RBM25: variants seen among roughly 807,000 people sequenced by gnomAD.
RBM25 encodes the protein RNA binding motif protein 25, also known as RNA-binding protein 25.
A neutral mutation model predicts 120.7 loss-of-function variants in RBM25; 19 were observed. The observed-to-expected ratio is 0.16, with a 90% confidence interval of 0.11 to 0.23. The LOEUF (loss-of-function observed/expected upper bound fraction) is 0.23. Among genes scored for constraint, RBM25 ranks in the 10% least tolerant of loss-of-function variants. The probability of loss-of-function intolerance (pLI) is 1.00; values close to 1 mark genes in which losing one functional copy is unlikely to be tolerated. For synonymous variants in RBM25, 390 were observed against 326.7 expected (o/e 1.19, Z -2.09); for missense variants, 605 against 1,041.5 (o/e 0.58, Z 5.77).
intron 18 of RBM25, among the ~76,000 whole-genome samples, chr14:73,117,406 A>T (rs1326679377): frequency 6.6e-6 from 1 of 150,404 alleles, no homozygotes. Context: ...TAATTTTTGT[A>T]TTTTTAGTAT....
chr14:73,084,912 A>G (rs1417259557), intron 5 of RBM25, among the ~76,000 whole-genome samples: 2 of 151,920 alleles, frequency 1.3e-5, no homozygotes, highest in Admixed American at 1.3e-4. Flanking sequence ...TAAAGGTAGT[A>G]TTCTTCCATC....
intron 6 of RBM25, among the ~76,000 whole-genome samples, chr14:73,090,856 GTCTTAC>G (rs1895798433): frequency 6.6e-6 from 1 of 152,152 alleles, no homozygotes; most frequent in Non-Finnish European, 1.5e-5. Context: ...TTATCTGTCA[GTCTTAC>G]TATCCTCACC....
intron 6 of RBM25, among the ~76,000 whole-genome samples, chr14:73,089,913 G>A (rs979323539): frequency 3.3e-5 from 5 of 152,136 alleles, no homozygotes; most frequent in Non-Finnish European, 7.4e-5. Flanking sequence ...GCCTCCCAAA[G>A]TGCTGGGATT....
chr14:73,063,694 C>T (rs527416264), intron 1 of RBM25, among the ~76,000 whole-genome samples: 1 of 151,364 alleles, frequency 6.6e-6, no homozygotes, highest in East Asian at 1.9e-4. Context: ...CACCATCTCT[C>T]CAGGCTACCA....
At chr14:73,080,246 T>C (rs184342674) in intron 4 of RBM25, among the ~76,000 whole-genome samples, 1,988 of 119,406 alleles carry the variant, frequency 0.017, 76 homozygotes, top group Non-Finnish European at 0.028. Context: ...TTTTTTGAGA[T>C]GGAGTCTTGC....
intron 18 of RBM25, among the ~76,000 whole-genome samples, chr14:73,116,732 A>G (rs1896435520): frequency 6.6e-6 from 1 of 152,208 alleles, no homozygotes; most frequent in Non-Finnish European, 1.5e-5. Context: ...TATCATACAT[A>G]GTAAAGATTT....
chr14:73,092,660 T>C, intron 6 of RBM25, among the ~76,000 whole-genome samples: 1 of 151,836 alleles, frequency 6.6e-6, no homozygotes, highest in Admixed American at 6.6e-5. Context: ...GCCATGTTGG[T>C]GTGCTGCACC....
chr14:73,084,113 G>C (rs1895629231), intron 5 of RBM25, among the ~76,000 whole-genome samples: 1 of 151,940 alleles, frequency 6.6e-6, no homozygotes, highest in Non-Finnish European at 1.5e-5. Flanking sequence ...GGCCAGGCTG[G>C]TCTCAAACTC....
chr14:73,083,447 T>G (rs1895611048), intron 4 of RBM25, 47 bp from the exon 5 acceptor site: 2 of 1,418,150 alleles, frequency 1.4e-6, no homozygotes, highest in Non-Finnish European at 1.9e-6. Flanking sequence ...CATTAAAAAT[T>G]ATTTTGTTAA....
intron 1 of RBM25, among the ~76,000 whole-genome samples, chr14:73,060,684 C>G (rs1352028949): frequency 2.0e-5 from 3 of 151,284 alleles, no homozygotes; most frequent in African/African-American, 7.3e-5. Flanking sequence ...ACTAGAAGAA[C>G]AAAATTCCAC....
At chr14:73,097,454 C>T (rs1895973404) in intron 7 of RBM25, among the ~76,000 whole-genome samples, 1 of 152,092 alleles carries the variant, frequency 6.6e-6, no homozygotes, top group Non-Finnish European at 1.5e-5. Flanking sequence ...CCGCCTCGGC[C>T]TCCCACAGTG....
In RBM25 at chr14:73,103,928, TCTCTCTCTCTCTCTCTCTCTCACACA is replaced by T. The variant is rs1173930484; in HGVS notation, c.1154+452_1154+477del. On this transcript the variant is annotated intron_variant, in intron 10 of 18. Coordinates refer to ENST00000261973, the MANE Select transcript of RBM25 (RefSeq NM_021239.3). ...CTGTCTCTCTCTCTCTCTCTCTCTC[TCTCTCTCTCTCTCTCTCTCTCACACA>T]CACACACACACACACACACACACAC... Among the ~76,000 whole-genome samples, 272 of 66,258 alleles carry T rather than the reference TCTCTCTCTCTCTCTCTCTCTCACACA, an allele frequency of 4.1e-3. 2 individuals are homozygous for T. Among genetic ancestry groups the T allele is most frequent in the African/African-American group, 0.019 (263 of 13,542 alleles). The allele number at this position is 66,258 out of a possible 152,430, so 43.5% of individuals were successfully genotyped here. A position where few individuals can be genotyped will look rare whatever the true frequency, so the allele number is the denominator to read the frequency against.
chr14:73,069,139 C>T (rs547940777), intron 1 of RBM25, among the ~76,000 whole-genome samples: 2 of 152,026 alleles, frequency 1.3e-5, no homozygotes, highest in African/African-American at 4.8e-5. Context: ...CTTGACCTCA[C>T]GTGAGCCCCC....
intron 6 of RBM25, among the ~76,000 whole-genome samples, chr14:73,095,668 G>T (rs901026574): frequency 6.6e-6 from 1 of 151,976 alleles, no homozygotes; most frequent in Non-Finnish European, 1.5e-5. Context: ...TGTTGAATAC[G>T]TATCCATTGG....
chr14:73,084,944 C>G (rs111490577), intron 5 of RBM25, among the ~76,000 whole-genome samples: 1 of 151,820 alleles, frequency 6.6e-6, no homozygotes, highest in African/African-American at 2.4e-5. Flanking sequence ...GTGAGATTGT[C>G]TTTTTTGTAT....
Position 73,111,059 on chromosome 14 carries a change from G to A in RBM25, c.1921G>A (p.Glu641Lys). The A allele has an allele frequency of 6.2e-7, 1 of 1,614,154 alleles. No homozygotes were observed. The highest frequency in any genetic ancestry group is 8.5e-7 in the Non-Finnish European group (1 of 1,180,036). Reference sequence around the variant, plus strand: ...TGCAACACCTAACACTCCTGGGGATGAGTCTCCCTGTGGTATTATTATTCC... The same window carrying A: ...TGCAACACCTAACACTCCTGGGGATAAGTCTCCCTGTGGTATTATTATTCC... ...GNATPNTPGD[E>K]SPCGIIIPHE... The change falls in exon 15 of 19, where the codon GAG (glutamate) becomes AAG (lysine). Residue 641 changes from glutamate (E) to lysine (K), a missense_variant. Transcript: ENST00000261973.
At chr14:73,088,730 C>CT (rs1473806001) in intron 6 of RBM25, among the ~76,000 whole-genome samples, 1 of 152,178 alleles carries the variant, frequency 6.6e-6, no homozygotes, top group Middle Eastern at 3.2e-3. Context: ...TTCTTAGTTC[C>CT]TTTTTGGCAT....
At chr14:73,099,458 C>T (rs1896017344) in intron 8 of RBM25, 25 bp downstream of exon 8, 3 of 1,605,432 alleles carry the variant, frequency 1.9e-6, no homozygotes, top group Non-Finnish European at 1.7e-6. Flanking sequence ...TAGGCTTTGA[C>T]AATACCTGTG....
intron 12 of RBM25, among the ~76,000 whole-genome samples, chr14:73,106,666 G>T (rs1014297821): frequency 6.6e-5 from 10 of 152,026 alleles, no homozygotes; most frequent in African/African-American, 2.4e-4. Context: ...CTCATGGATT[G>T]TTTACTATTG....
Sources: gnomAD v4.1 joint callset for allele counts (sites outside exome capture counted in the v4.1 genomes callset) on GRCh38, gnomAD v4.1.1 for gene constraint, MANE v1.5 for transcripts, NCBI Gene and HGNC (gene_info 2026-07-23, HGNC 2026-07-21) for gene names.